DLG2: variants seen among roughly 807,000 people sequenced by gnomAD.
DLG2 encodes disks large homolog 2.
Under a neutral mutation model 132.5 loss-of-function variants are expected in DLG2, and 45 were observed. The observed-to-expected ratio is 0.34, with a 90% confidence interval of 0.27 to 0.44. The LOEUF (loss-of-function observed/expected upper bound fraction) is 0.44, where lower values mean the gene tolerates loss of function less well. Ranked by LOEUF, DLG2 falls within the 20% of genes least tolerant of loss-of-function variation. The pLI is 1.00. For missense variants in DLG2, 1,045 were observed against 1,196.9 expected (o/e 0.87, Z 1.87); for synonymous variants, 424 against 419.6 (o/e 1.01, Z -0.13).
chr11:83,479,112 A>G (rs1165030120), intron 22 of DLG2, among the ~76,000 whole-genome samples: 1 of 152,108 alleles, frequency 6.6e-6, no homozygotes. Flanking sequence ...CATCAATAAG[A>G]AAATTAGGTG....
At chr11:83,797,124 G>A (rs1030573413) in intron 17 of DLG2, among the ~76,000 whole-genome samples, 2 of 152,056 alleles carry the variant, frequency 1.3e-5, no homozygotes, top group African/African-American at 2.4e-5. Flanking sequence ...GAGGGCTGGA[G>A]GTGAGAGAGG....
chr11:84,940,783 T>A (rs1225812782), intron 6 of DLG2, among the ~76,000 whole-genome samples: 1 of 152,200 alleles, frequency 6.6e-6, no homozygotes, highest in Non-Finnish European at 1.5e-5. Flanking sequence ...TTTGAGATAT[T>A]ACTCAAAAAA....
At chr11:84,076,826 C>A (rs1217614667) in intron 10 of DLG2, among the ~76,000 whole-genome samples, 1 of 152,176 alleles carries the variant, frequency 6.6e-6, no homozygotes, top group African/African-American at 2.4e-5. Flanking sequence ...TGCATCACTT[C>A]CAGAAAATAT....
intron 3 of DLG2, among the ~76,000 whole-genome samples, chr11:85,492,422 A>T (rs929339458): frequency 6.6e-6 from 1 of 152,200 alleles, no homozygotes; most frequent in Admixed American, 6.5e-5. Context: ...AGCTGTCTAG[A>T]TATACCATGG....
chr11:83,915,019 T>C (rs2154115325), intron 15 of DLG2, among the ~76,000 whole-genome samples: 1 of 152,116 alleles, frequency 6.6e-6, no homozygotes, highest in East Asian at 1.9e-4. Context: ...AGGAGATGCC[T>C]AATGAGACAG....
intron 2 of DLG2, among the ~76,000 whole-genome samples, chr11:85,615,293 G>C (rs1480218822): frequency 1.3e-5 from 2 of 152,144 alleles, no homozygotes; most frequent in African/African-American, 2.4e-5. Flanking sequence ...GAGGCAGACG[G>C]ATCACTTTGA....
chr11:83,875,700 C>A (rs1454136437), intron 15 of DLG2, among the ~76,000 whole-genome samples: 2 of 151,980 alleles, frequency 1.3e-5, no homozygotes. Flanking sequence ...AATATATGAA[C>A]AAGTGTATAT....
intron 4 of DLG2, among the ~76,000 whole-genome samples, chr11:85,159,509 G>A (rs577074994): frequency 5.3e-5 from 8 of 152,334 alleles, no homozygotes; most frequent in East Asian, 3.9e-4. Flanking sequence ...CTTGAAAGAT[G>A]CAGGGGTGGC....
intron 15 of DLG2, among the ~76,000 whole-genome samples, chr11:83,894,842 C>T (rs1250495786): frequency 6.6e-6 from 1 of 152,122 alleles, no homozygotes; most frequent in Non-Finnish European, 1.5e-5. Flanking sequence ...TACTCTCTGC[C>T]TTCATGAGAT....
At chr11:84,215,834 T>C (rs989130347) in intron 8 of DLG2, among the ~76,000 whole-genome samples, 1 of 152,196 alleles carries the variant, frequency 6.6e-6, no homozygotes, top group Non-Finnish European at 1.5e-5. Context: ...AGAAAAATGA[T>C]GTATTGGACA....
intron 8 of DLG2, among the ~76,000 whole-genome samples, chr11:84,174,240 C>T (rs1230473015): frequency 6.6e-6 from 1 of 151,824 alleles, no homozygotes; most frequent in Non-Finnish European, 1.5e-5. Flanking sequence ...TTCTTAAGAA[C>T]ATTGGTATAA....
chr11:83,924,099 C>T (rs751094071), intron 15 of DLG2, among the ~76,000 whole-genome samples: 3 of 151,972 alleles, frequency 2.0e-5, no homozygotes, highest in Non-Finnish European at 4.4e-5. Context: ...CACATCTCTT[C>T]CCTAATCCTA....
intron 19 of DLG2, among the ~76,000 whole-genome samples, chr11:83,556,360 G>A (rs1030592490): frequency 6.8e-6 from 1 of 147,860 alleles, no homozygotes; most frequent in African/African-American, 2.5e-5. Context: ...CATATTTTCA[G>A]TTTTGTCCTT....
chr11:84,714,929 A>G (rs1251726388), intron 6 of DLG2, among the ~76,000 whole-genome samples: 1 of 150,090 alleles, frequency 6.7e-6, no homozygotes. Context: ...TTATTTTTCC[A>G]TTTTCTTCCA....
chr11:83,582,297 CCTGGTAATA>C (rs1414175519), intron 19 of DLG2, among the ~76,000 whole-genome samples: 1 of 152,064 alleles, frequency 6.6e-6, no homozygotes, highest in East Asian at 1.9e-4. Flanking sequence ...AATTACTGCC[CCTGGTAATA>C]GTGCTTTGGT....
At position 84,712,954 on chromosome 11, in the gene DLG2, A is replaced by C. The variant is rs78862998; in HGVS notation, c.358-178223T>G. 8.9e-3 allele frequency among the ~76,000 whole-genome samples: 1,358 copies of C among 152,246 alleles called. 11 individuals are homozygous for C. The highest frequency in any genetic ancestry group is 0.012 in the African/African-American group (502 of 41,562). The stretch of plus-strand genomic sequence containing the variant: ...TGCTGTGTGACCTTGAGTAAGTCAT[A>C]TTCTATCCATGTGATTTAATAACCT... On this transcript the variant is annotated intron_variant, in intron 6 of 27. Coordinates refer to ENST00000376104, the MANE Select transcript of DLG2 (RefSeq NM_001142699.3).
chr11:85,011,882 T>C (rs1239844385), intron 6 of DLG2, among the ~76,000 whole-genome samples: 1 of 152,162 alleles, frequency 6.6e-6, no homozygotes, highest in Non-Finnish European at 1.5e-5. Flanking sequence ...TTACCAATAG[T>C]ATAATTTATT....
chr11:84,995,142 GGAT>G (rs2057510234), intron 6 of DLG2, among the ~76,000 whole-genome samples: 1 of 152,154 alleles, frequency 6.6e-6, no homozygotes, highest in African/African-American at 2.4e-5. Flanking sequence ...ATTTATTTAA[GGAT>G]GATAAACTTT....
At chr11:83,659,581 C>G (rs1203790365) in intron 18 of DLG2, among the ~76,000 whole-genome samples, 1 of 152,194 alleles carries the variant, frequency 6.6e-6, no homozygotes, top group Non-Finnish European at 1.5e-5. Context: ...TTCATCCAGG[C>G]TAACATGTCA....
Sources: allele counts gnomAD v4.1 joint callset (sites outside exome capture counted in the v4.1 genomes callset), GRCh38; gene constraint gnomAD v4.1.1; transcripts MANE v1.5; gene names NCBI Gene and HGNC (gene_info 2026-07-23, HGNC 2026-07-21).